Variants in CNTN3 observed in about 807,000 individuals in gnomAD.
The protein encoded by CNTN3 is contactin-3.
In CNTN3, 60 loss-of-function variants were observed where a neutral mutation model predicts 119.1. The observed-to-expected ratio is 0.50, with a 90% CI of 0.41 to 0.62. The LOEUF (loss-of-function observed/expected upper bound fraction) is 0.62. CNTN3 is among the 20% of genes least tolerant of loss of function. The pLI, the probability that CNTN3 is intolerant of heterozygous loss-of-function variation, is 0.00. For synonymous variants in CNTN3, 450 were observed against 438.7 expected, an observed-to-expected ratio of 1.03 and a Z score of -0.32; for missense variants, 1,101 against 1,242.4, an observed-to-expected ratio of 0.89 and a Z score of 1.71.
chr3:74,376,797 G>T (rs116441074), intron 5 of CNTN3, among the ~76,000 whole-genome samples: 1 of 151,920 alleles, frequency 6.6e-6, no homozygotes, highest in African/African-American at 2.4e-5. Flanking sequence ...GTAGTAATTT[G>T]TTATATTGGC....
intron 5 of CNTN3, among the ~76,000 whole-genome samples, chr3:74,403,984 G>T (rs1430988329): frequency 1.3e-5 from 2 of 151,262 alleles, no homozygotes; most frequent in African/African-American, 4.9e-5. Context: ...TCCCAAACTC[G>T]TAATACTTTC....
At position 74,299,224 on chromosome 3, in the gene CNTN3, T is replaced by C. The variant is rs151084889; in HGVS notation, c.2166+644A>G. 6.1e-3 allele frequency among the ~76,000 whole-genome samples: 922 copies of C among 152,068 alleles called. 16 individuals carry two copies. Among genetic ancestry groups the C allele is most frequent in the African/African-American group, 0.021 (887 of 41,468 alleles). On this transcript the variant is annotated intron_variant, in intron 17 of 22. Coordinates refer to ENST00000263665, the MANE Select transcript of CNTN3 (RefSeq NM_020872.3). ...CTGTCTCAAAAAAAAAGGAAAAAAA[T>C]ATTAACGAATTAAACTCAAAGCTAT...
At chr3:74,326,652 A>T (rs941731855) in intron 13 of CNTN3, among the ~76,000 whole-genome samples, 1 of 151,774 alleles carries the variant, frequency 6.6e-6, no homozygotes, top group Non-Finnish European at 1.5e-5. Flanking sequence ...GTCATTAATT[A>T]AAAAAAAATT....
intron 1 of CNTN3, among the ~76,000 whole-genome samples, chr3:74,560,062 G>A (rs1704130019): frequency 6.6e-6 from 1 of 152,144 alleles, no homozygotes; most frequent in South Asian, 2.1e-4. Context: ...TGACCATAGA[G>A]GATGTCAATA....
At chr3:74,265,206 T>C (rs773333311) in intron 22 of CNTN3, among the ~76,000 whole-genome samples, 28 of 152,150 alleles carry the variant, frequency 1.8e-4, no homozygotes, top group Admixed American at 1.0e-3. Flanking sequence ...TTCGTTTTCA[T>C]AGAGATGGCC....
intron 13 of CNTN3, among the ~76,000 whole-genome samples, chr3:74,317,909 T>C (rs1051263929): frequency 1.6e-4 from 25 of 152,214 alleles, no homozygotes; most frequent in African/African-American, 5.1e-4. Flanking sequence ...GGGAAGTTCT[T>C]CTGGATAATA....
intron 1 of CNTN3, among the ~76,000 whole-genome samples, chr3:74,525,087 GA>G (rs765688347): frequency 1.3e-5 from 2 of 151,770 alleles, no homozygotes; most frequent in South Asian, 2.1e-4. Context: ...AATCATATTT[GA>G]AATAAACATT....
chr3:74,571,465 G>A lies in CNTN3; in HGVS notation c.-81+42926C>T, dbSNP rs149009149. Among the ~76,000 whole-genome samples, 27 of 152,270 alleles carry A rather than the reference G, an allele frequency of 1.8e-4. No individual in the cohort carries two copies. In the East Asian group the frequency reaches 5.2e-3, roughly 29 times the overall value. On this transcript the variant is annotated intron_variant, in intron 1 of 22. Transcript: ENST00000263665. ...ATCCCATCTCTACCCCTCATTGATT[G>A]TGGAACCCTGGATACGCTACCTCTC...
At chr3:74,591,831 T>C (rs1424534728) in intron 1 of CNTN3, among the ~76,000 whole-genome samples, 1 of 151,686 alleles carries the variant, frequency 6.6e-6, no homozygotes, top group Admixed American at 6.6e-5. Flanking sequence ...GACATTCAGA[T>C]GGAAATAGTG....
chr3:74,407,264 A>ATTTTTT lies in CNTN3; in HGVS notation c.454+17575_454+17580dup, dbSNP rs753215277. ...AAAGTATAGCCAGGCCAAATATTCT[A>ATTTTTT]TTTTTTTTTTTTTTTTTTTTTGAGA... On this transcript the variant is annotated intron_variant, in intron 5 of 22. Coordinates refer to ENST00000263665, the MANE Select transcript of CNTN3 (RefSeq NM_020872.3). Among the ~76,000 whole-genome samples, 42 of 105,556 alleles carry ATTTTTT rather than the reference A, an allele frequency of 4.0e-4. 1 individual carries two copies. The highest frequency in any genetic ancestry group is 4.8e-4 in the Non-Finnish European group (27 of 55,936). The allele number at this position is 105,556 out of a possible 152,430, so 69.2% of individuals were successfully genotyped here. A position where few individuals can be genotyped will look rare whatever the true frequency, so the allele number is the denominator to read the frequency against.
chr3:74,298,898 A>T (rs1575706828), intron 17 of CNTN3, among the ~76,000 whole-genome samples: 1 of 151,594 alleles, frequency 6.6e-6, no homozygotes, highest in Non-Finnish European at 1.5e-5. Context: ...GGAAAAAAAA[A>T]AAAAAAAAGG....
At chr3:74,472,251 A>C (rs553888411) in intron 4 of CNTN3, among the ~76,000 whole-genome samples, 4 of 152,178 alleles carry the variant, frequency 2.6e-5, no homozygotes, top group Admixed American at 6.5e-5. Flanking sequence ...TCATCTCAAT[A>C]TGCTTTTAGG....
intron 13 of CNTN3, among the ~76,000 whole-genome samples, chr3:74,306,775 A>G (rs1332322068): frequency 2.6e-5 from 4 of 152,180 alleles, no homozygotes; most frequent in African/African-American, 4.8e-5. Flanking sequence ...CCTTTTTCAA[A>G]GCACCACTTA....
intron 11 of CNTN3, among the ~76,000 whole-genome samples, chr3:74,337,313 A>C (rs1302266031): frequency 2.0e-5 from 3 of 152,094 alleles, no homozygotes; most frequent in Non-Finnish European, 4.4e-5. Flanking sequence ...CTTTACATAC[A>C]CTTAGCACTA....
intron 5 of CNTN3, among the ~76,000 whole-genome samples, chr3:74,404,506 G>A (rs148439197): frequency 0.014 from 2,156 of 152,144 alleles, 50 homozygotes; most frequent in African/African-American, 0.048. Flanking sequence ...AGAGAATGAA[G>A]TCTATTTCCT....
intron 21 of CNTN3, 39 bp downstream of exon 21, chr3:74,267,227 A>C (rs1454281870): frequency 2.2e-6 from 3 of 1,345,790 alleles, no homozygotes; most frequent in Non-Finnish European, 3.2e-6. Flanking sequence ...AGTACTGCCA[A>C]AATTACGAAA....
intron 10 of CNTN3, among the ~76,000 whole-genome samples, chr3:74,363,303 G>C (rs1704117321): frequency 2.0e-5 from 3 of 152,146 alleles, no homozygotes; most frequent in Middle Eastern, 6.8e-3. Flanking sequence ...ATTAAAGCAG[G>C]GTTTTTTCAA....
chr3:74,359,759 A>G (rs1246299833), intron 11 of CNTN3, among the ~76,000 whole-genome samples: 1 of 152,200 alleles, frequency 6.6e-6, no homozygotes, highest in Admixed American at 6.5e-5. Flanking sequence ...TATGAGGACA[A>G]GTTGATTTAG....
At chr3:74,490,146 C>T (rs1702936097) in intron 3 of CNTN3, among the ~76,000 whole-genome samples, 1 of 152,190 alleles carries the variant, frequency 6.6e-6, no homozygotes, top group African/African-American at 2.4e-5. Flanking sequence ...TACATACTGA[C>T]ATTGACTTTT....
Sources: allele counts gnomAD v4.1 joint callset (sites outside exome capture counted in the v4.1 genomes callset), GRCh38; gene constraint gnomAD v4.1.1; transcripts MANE v1.5; gene names NCBI Gene and HGNC (gene_info 2026-07-23, HGNC 2026-07-21).